PDE7B: variants seen among roughly 807,000 people sequenced by gnomAD.
PDE7B encodes phosphodiesterase 7B.
A neutral mutation model predicts 56.2 loss-of-function variants in PDE7B; 29 were observed. That is an observed-to-expected ratio of 0.52 (90% CI 0.38 to 0.70). PDE7B has a LOEUF of 0.70. Ranked by LOEUF, PDE7B falls within the 30% of genes least tolerant of loss-of-function variation. The pLI is 0.00. For missense variants in PDE7B, 490 were observed against 565.0 expected (o/e 0.87, Z 1.35); for synonymous variants, 197 against 196.9 (o/e 1.00, Z 0.00).
At chr6:136,063,966 T>C (rs1776889174) in intron 2 of PDE7B, among the ~76,000 whole-genome samples, 1 of 152,008 alleles carries the variant, frequency 6.6e-6, no homozygotes, top group African/African-American at 2.4e-5. Flanking sequence ...CAGTCCAAGG[T>C]AGCTTCTCAT....
At chr6:136,136,139 A>C (rs934750516) in intron 3 of PDE7B, among the ~76,000 whole-genome samples, 11 of 152,108 alleles carry the variant, frequency 7.2e-5, no homozygotes, top group African/African-American at 2.7e-4. Context: ...GAATGTGTGA[A>C]AGAGTGAAAG....
chr6:135,890,169 A>G (rs1421423943), intron 1 of PDE7B, among the ~76,000 whole-genome samples: 1 of 152,230 alleles, frequency 6.6e-6, no homozygotes. Flanking sequence ...ACAATAATTT[A>G]CAAACTGATA....
chr6:136,185,569 A>T (rs1245496197), intron 11 of PDE7B, among the ~76,000 whole-genome samples: 3 of 152,102 alleles, frequency 2.0e-5, no homozygotes, highest in East Asian at 1.9e-4. Context: ...AGCCTAGGCA[A>T]CGTAGAGATC....
chr6:136,174,499 G>A (rs1427499206), intron 9 of PDE7B, among the ~76,000 whole-genome samples: 3 of 152,092 alleles, frequency 2.0e-5, no homozygotes, highest in African/African-American at 7.2e-5. Flanking sequence ...CTAAATCTGA[G>A]GCCATTGTTT....
chr6:136,032,211 G>A (rs892453603), intron 2 of PDE7B, among the ~76,000 whole-genome samples: 1 of 152,112 alleles, frequency 6.6e-6, no homozygotes, highest in Non-Finnish European at 1.5e-5. Context: ...GCCAGTAGGG[G>A]GCCTGAAGAT....
At chr6:135,913,158 A>G (rs1398408927) in intron 1 of PDE7B, among the ~76,000 whole-genome samples, 1 of 152,210 alleles carries the variant, frequency 6.6e-6, no homozygotes, top group Non-Finnish European at 1.5e-5. Context: ...AAACAACTTT[A>G]TAAATTGAGT....
intron 2 of PDE7B, among the ~76,000 whole-genome samples, chr6:136,068,391 G>T (rs901532306): frequency 6.6e-6 from 1 of 150,584 alleles, no homozygotes. Context: ...GAGTGCCTGG[G>T]TTAAGAGAAG....
At chr6:136,142,545 G>A (rs1778345257) in intron 3 of PDE7B, among the ~76,000 whole-genome samples, 1 of 152,182 alleles carries the variant, frequency 6.6e-6, no homozygotes, top group Admixed American at 6.5e-5. Flanking sequence ...AATGTTGACA[G>A]TGGGGTGTTA....
rs149270066 is a variant in PDE7B at position 135,926,294 on chromosome 6, A to G, written c.22-21170A>G. ...GGTAGAGACAGGGTTTCACCGTGTT[A>G]GCCAGGATGGTCTCAATCTCCTGAC... On this transcript the variant is annotated intron_variant, in intron 1 of 12. Coordinates refer to ENST00000308191, the MANE Select transcript of PDE7B (RefSeq NM_018945.4). Among the ~76,000 whole-genome samples, 633 of 152,188 alleles carry G rather than the reference A, an allele frequency of 4.2e-3. 1 individual carries two copies. Among genetic ancestry groups the G allele is most frequent in the South Asian group, 0.014 (66 of 4,820 alleles).
chr6:136,156,948 C>G (rs1168235803), intron 8 of PDE7B, among the ~76,000 whole-genome samples: 2 of 151,948 alleles, frequency 1.3e-5, no homozygotes, highest in African/African-American at 4.8e-5. Context: ...TTTAACTAAC[C>G]TTTATTCAAC....
intron 3 of PDE7B, among the ~76,000 whole-genome samples, chr6:136,125,623 T>A (rs1051275445): frequency 1.3e-5 from 2 of 151,962 alleles, no homozygotes; most frequent in Admixed American, 6.6e-5. Flanking sequence ...AAAATGAATT[T>A]ATTTGATTTT....
chr6:135,980,714 C>G (rs1226796701), intron 2 of PDE7B, among the ~76,000 whole-genome samples: 1 of 149,140 alleles, frequency 6.7e-6, no homozygotes, highest in Non-Finnish European at 1.5e-5. Context: ...CAGAGAAATG[C>G]AAATCAAAAC....
In PDE7B at chr6:136,187,016, C is replaced by A; in HGVS notation, c.1046-20C>A. 1 of 1,279,574 alleles carries A rather than the reference C, an allele frequency of 7.8e-7. No individual in the cohort carries two copies. Among genetic ancestry groups the A allele is most frequent in the Non-Finnish European group, 1.1e-6 (1 of 890,426 alleles). 79.3% of individuals were successfully genotyped at this position (1,279,574 alleles called of 1,614,324 possible). A position where few individuals can be genotyped will look rare whatever the true frequency, so the allele number is the denominator to read the frequency against. ...TTCTAGATTACCAATGTGTTTTTTT[C>A]TTTCTTTCTTTCTTCTTAGGTGAAC... On this transcript the variant is annotated intron_variant, in intron 11 of 12. Coordinates refer to ENST00000308191, the MANE Select transcript of PDE7B (RefSeq NM_018945.4).
chr6:136,172,502 T>C (rs1778905407), intron 8 of PDE7B, among the ~76,000 whole-genome samples: 1 of 152,186 alleles, frequency 6.6e-6, no homozygotes, highest in African/African-American at 2.4e-5. Flanking sequence ...TCTTGTAAAT[T>C]TGTTTGAGTT....
chr6:136,033,318 G>A (rs1249728113), intron 2 of PDE7B, among the ~76,000 whole-genome samples: 2 of 152,192 alleles, frequency 1.3e-5, no homozygotes, highest in Non-Finnish European at 2.9e-5. Flanking sequence ...ATCTTTAACA[G>A]CTAACAGGAT....
chr6:135,999,929 T>A (rs566847027), intron 2 of PDE7B, among the ~76,000 whole-genome samples: 182 of 152,324 alleles, frequency 1.2e-3, no homozygotes, highest in African/African-American at 4.2e-3. Flanking sequence ...GCATATGTTA[T>A]TTTTTGACTT....
intron 1 of PDE7B, among the ~76,000 whole-genome samples, chr6:135,886,277 A>G (rs945225395): frequency 1.3e-5 from 2 of 152,168 alleles, no homozygotes; most frequent in Non-Finnish European, 2.9e-5. Flanking sequence ...GTGTGCAAGA[A>G]GCCAAGGACC....
chr6:135,905,348 ATG>A (rs71682918), intron 1 of PDE7B, among the ~76,000 whole-genome samples: 9,714 of 148,090 alleles, frequency 0.066, 421 homozygotes, highest in African/African-American at 0.12. Context: ...GTGTGTGTGT[ATG>A]TGTGTGTGTG....
chr6:136,140,588 C>T (rs1242668431), intron 3 of PDE7B, among the ~76,000 whole-genome samples: 1 of 152,134 alleles, frequency 6.6e-6, no homozygotes, highest in Non-Finnish European at 1.5e-5. Context: ...GATATTGATT[C>T]CTCCTACCCT....
Sources: allele counts gnomAD v4.1 joint callset (sites outside exome capture counted in the v4.1 genomes callset), GRCh38; gene constraint gnomAD v4.1.1; transcripts MANE v1.5; gene names NCBI Gene and HGNC (gene_info 2026-07-23, HGNC 2026-07-21).